IGFBP2: variants seen among roughly 807,000 people sequenced by gnomAD.
The protein encoded by IGFBP2 is insulin like growth factor binding protein 2.
A neutral mutation model predicts 26.2 loss-of-function variants in IGFBP2; 12 were observed. The ratio of observed to expected loss-of-function variants is 0.46; its 90% CI spans 0.29 to 0.74. The LOEUF (loss-of-function observed/expected upper bound fraction) is 0.74, where lower values mean the gene tolerates loss of function less well. IGFBP2 is among the 30% of genes least tolerant of loss of function. The pLI, the probability that IGFBP2 is intolerant of heterozygous loss-of-function variation, is 0.09. For synonymous variants in IGFBP2, 189 were observed against 200.6 expected (o/e 0.94, Z 0.49); for missense variants, 328 against 441.2 (o/e 0.74, Z 2.30).
chr2:216,650,965 A>G (rs1441403219), intron 1 of IGFBP2, among the ~76,000 whole-genome samples: 1 of 152,168 alleles, frequency 6.6e-6, no homozygotes, highest in Non-Finnish European at 1.5e-5. Context: ...CTCAGGAGAT[A>G]GATGGACCAG....
chr2:216,659,548 G>A (rs1697991294), intron 1 of IGFBP2: 1 of 622,758 alleles, frequency 1.6e-6, no homozygotes, highest in Admixed American at 2.3e-5. Context: ...CTTGTCTCCT[G>A]GTTACAGCTC....
intron 1 of IGFBP2, among the ~76,000 whole-genome samples, chr2:216,645,440 A>T (rs1173238972): frequency 2.0e-5 from 3 of 152,212 alleles, no homozygotes; most frequent in African/African-American, 7.2e-5. Flanking sequence ...TGGTTGGTTA[A>T]CAACCTGGGC....
At chr2:216,659,502 C>T (rs901980065) in intron 1 of IGFBP2, 20 of 572,170 alleles carry the variant, frequency 3.5e-5, no homozygotes, top group East Asian at 1.2e-4. Flanking sequence ...TGGGGCTCGG[C>T]GGTGTGAGGC....
intron 1 of IGFBP2, among the ~76,000 whole-genome samples, chr2:216,657,119 C>G (rs1455337079): frequency 1.3e-5 from 2 of 152,086 alleles, no homozygotes; most frequent in African/African-American, 4.8e-5. Context: ...CTCTATGTTC[C>G]AATGCAGGTG....
At chr2:216,659,724 A>T in intron 1 of IGFBP2, 1 of 1,535,790 alleles carries the variant, frequency 6.5e-7, no homozygotes, top group Non-Finnish European at 8.7e-7. Flanking sequence ...TTGGACAGAC[A>T]TCACGAAGCT....
intron 1 of IGFBP2, among the ~76,000 whole-genome samples, chr2:216,640,499 G>A (rs575768974): frequency 2.0e-5 from 3 of 152,168 alleles, no homozygotes; most frequent in East Asian, 3.9e-4. Context: ...GCAGGCAGCC[G>A]CCAGGAGATT....
At chr2:216,654,916 C>A (rs545845344) in intron 1 of IGFBP2, among the ~76,000 whole-genome samples, 206 of 152,330 alleles carry the variant, frequency 1.4e-3, no homozygotes, top group Non-Finnish European at 2.5e-3. Flanking sequence ...ACTTTGTCCT[C>A]CTGGAGGAAC....
chr2:216,655,311 A>G (rs913644503), intron 1 of IGFBP2, among the ~76,000 whole-genome samples: 2 of 152,158 alleles, frequency 1.3e-5, no homozygotes, highest in Non-Finnish European at 2.9e-5. Flanking sequence ...CCAGGTGTTG[A>G]TGGAGAGATC....
intron 1 of IGFBP2, among the ~76,000 whole-genome samples, chr2:216,656,861 T>C (rs916485960): frequency 6.6e-6 from 1 of 152,090 alleles, no homozygotes; most frequent in African/African-American, 2.4e-5. Flanking sequence ...GGTGGCAGGG[T>C]GCAGTACCAG....
chr2:216,641,277 G>C (rs1277233874), intron 1 of IGFBP2, among the ~76,000 whole-genome samples: 1 of 152,190 alleles, frequency 6.6e-6, no homozygotes, highest in African/African-American at 2.4e-5. Context: ...GGAAAGGTCA[G>C]GCAGGCCACT....
rs1330035485 is a variant in IGFBP2 at position 216,633,490 on chromosome 2, G to T, written c.-34G>T. The T allele has an allele frequency of 1.7e-5, 10 of 597,684 alleles. No homozygotes were observed. Among genetic ancestry groups the T allele is most frequent in the African/African-American group, 1.4e-4 (7 of 49,456 alleles). The allele number at this position is 597,684 out of a possible 1,614,324, so 37.0% of individuals were successfully genotyped here. ...CACCTGCCCGCCCGCCCGCTCGCTC[G>T]CTCGCCCGCCGCGCCGCGCTGCCGA... On this transcript the variant is annotated 5_prime_UTR_variant, in exon 1 of 4. Transcript: ENST00000233809.
At chr2:216,651,432 C>T (rs1313549174) in intron 1 of IGFBP2, among the ~76,000 whole-genome samples, 4 of 152,340 alleles carry the variant, frequency 2.6e-5, no homozygotes, top group East Asian at 1.9e-4. Context: ...ACTGAGCATG[C>T]GTGGTGATTA....
chr2:216,634,685 C>G (rs2106185297), intron 1 of IGFBP2, among the ~76,000 whole-genome samples: 1 of 152,264 alleles, frequency 6.6e-6, no homozygotes. Context: ...ATTCCCTGGA[C>G]GGGGGCAGCC....
chr2:216,642,835 C>G (rs1419832737), intron 1 of IGFBP2, among the ~76,000 whole-genome samples: 1 of 152,132 alleles, frequency 6.6e-6, no homozygotes, highest in African/African-American at 2.4e-5. Flanking sequence ...CTTTGCCTGG[C>G]CAGCCAACCT....
intron 1 of IGFBP2, among the ~76,000 whole-genome samples, chr2:216,655,905 A>C (rs918211857): frequency 3.9e-5 from 6 of 152,030 alleles, no homozygotes; most frequent in African/African-American, 9.7e-5. Flanking sequence ...AAAAAAACAA[A>C]AAAAAAAAAT....
chr2:216,636,739 A>C (rs1697503913), intron 1 of IGFBP2, among the ~76,000 whole-genome samples: 1 of 152,168 alleles, frequency 6.6e-6, no homozygotes, highest in Admixed American at 6.5e-5. Context: ...CCCTTTCAGA[A>C]TTAAGGCTGG....
In IGFBP2 at chr2:216,633,460, C is replaced by T. The variant is rs949817343; in HGVS notation, c.-64C>T. ...GAGGCGGCTCCCGCGCTCGCAGGGC[C>T]GTGCCACCTGCCCGCCCGCCCGCTC... On this transcript the variant is annotated 5_prime_UTR_variant, in exon 1 of 4. Coordinates refer to ENST00000233809, the MANE Select transcript of IGFBP2 (RefSeq NM_000597.3). The T allele has an allele frequency of 7.8e-5, 25 of 322,026 alleles. No individual in the cohort carries two copies. The highest frequency in any genetic ancestry group is 1.1e-4 in the Non-Finnish European group (24 of 221,368). The allele number at this position is 322,026 out of a possible 1,614,324, so 19.9% of individuals were successfully genotyped here.
At chr2:216,637,097 C>G (rs1029905321) in intron 1 of IGFBP2, among the ~76,000 whole-genome samples, 9 of 152,158 alleles carry the variant, frequency 5.9e-5, no homozygotes, top group African/African-American at 1.7e-4. Context: ...CTTTGCATCT[C>G]GTCTTGCATA....
chr2:216,633,585 T>TGCC lies in IGFBP2; in HGVS notation c.64_65insCGC (p.Leu21_Leu22insPro), dbSNP rs1355128350. The TGCC allele has an allele frequency of 3.6e-5, 37 of 1,018,114 alleles. No individual in the cohort carries two copies. The East Asian group carries it at 8.0e-4, about 22-fold the overall frequency. 63.1% of individuals were successfully genotyped at this position (1,018,114 alleles called of 1,614,324 possible). A position where few individuals can be genotyped will look rare whatever the true frequency, so the allele number is the denominator to read the frequency against. The stretch of plus-strand genomic sequence containing the variant: ...CCGCCGCCGCCGCTGCTGCCGCTGC[T>TGCC]GCTGCTGCTACTGGGCGCGAGTGGC... On this transcript the variant is annotated inframe_insertion, in exon 1 of 4. Coordinates refer to ENST00000233809, the MANE Select transcript of IGFBP2 (RefSeq NM_000597.3).
Sources: allele counts gnomAD v4.1 joint callset (sites outside exome capture counted in the v4.1 genomes callset), GRCh38; gene constraint gnomAD v4.1.1; transcripts MANE v1.5; gene names NCBI Gene and HGNC (gene_info 2026-07-23, HGNC 2026-07-21).